Variants in MAPKAP1 observed in about 807,000 individuals in gnomAD.
The protein encoded by MAPKAP1 is target of rapamycin complex 2 subunit MAPKAP1.
MAPKAP1 carries 20 observed loss-of-function variants against 65.7 expected under a neutral mutation model. That is an observed-to-expected ratio of 0.30 (90% CI 0.21 to 0.44). The LOEUF (loss-of-function observed/expected upper bound fraction) is 0.44, where lower values mean the gene tolerates loss of function less well. Among genes scored for constraint, MAPKAP1 ranks in the 20% least tolerant of loss-of-function variants. MAPKAP1 has a pLI of 1.00. For synonymous variants in MAPKAP1, 222 were observed against 244.3 expected (o/e 0.91, Z 0.85); for missense variants, 423 against 648.0 (o/e 0.65, Z 3.77).
At position 125,648,498 on chromosome 9, in the gene MAPKAP1, T is replaced by C. The variant is rs544242340; in HGVS notation, c.498+9153A>G. On this transcript the variant is annotated intron_variant, in intron 4 of 11. Transcript: ENST00000265960. ...ACACGCAGAAATCAAGGCTCATAGATGAGAGATTACTTGTCCTACATCAGA... is the reference window on the plus strand; with the variant it reads ...ACACGCAGAAATCAAGGCTCATAGACGAGAGATTACTTGTCCTACATCAGA... 3.9e-5 allele frequency among the ~76,000 whole-genome samples: 6 copies of C among 152,332 alleles called. No individual in the cohort carries two copies. The South Asian group carries it at 1.0e-3, about 26-fold the overall frequency.
At chr9:125,481,769 C>T (rs1274635380) in intron 9 of MAPKAP1, among the ~76,000 whole-genome samples, 1 of 152,204 alleles carries the variant, frequency 6.6e-6, no homozygotes, top group Admixed American at 6.5e-5. Context: ...AAAGCAGGCC[C>T]TTTGCTATTG....
chr9:125,625,411 CA>C (rs1274133145), intron 4 of MAPKAP1, among the ~76,000 whole-genome samples: 1 of 151,464 alleles, frequency 6.6e-6, no homozygotes, highest in African/African-American at 2.4e-5. Context: ...GAGGGAAAAA[CA>C]AAAAACAAAA....
At chr9:125,706,833 C>T (rs1421338989) in intron 1 of MAPKAP1, 138 bp downstream of exon 1, 7 of 319,566 alleles carry the variant, frequency 2.2e-5, no homozygotes, top group Admixed American at 1.0e-4. Flanking sequence ...GAAACGAACG[C>T]GCCCGGGCCA....
intron 5 of MAPKAP1, among the ~76,000 whole-genome samples, chr9:125,566,274 A>G (rs1174971382): frequency 6.6e-6 from 1 of 152,192 alleles, no homozygotes; most frequent in Non-Finnish European, 1.5e-5. Flanking sequence ...TACAACTTAT[A>G]AGACTTCTTG....
Position 125,642,226 on chromosome 9 carries a change from A to C in MAPKAP1, c.498+15425T>G, listed in dbSNP as rs1833599428. On this transcript the variant is annotated intron_variant, in intron 4 of 11. Transcript: ENST00000265960. ...TCAAGAAAAAAAAAAGGAAAGAAGG[A>C]AGAAAAAGAAAAAAAAAATTAAATT... 2.6e-5 allele frequency among the ~76,000 whole-genome samples: 4 copies of C among 151,938 alleles called. No individual in the cohort carries two copies. The South Asian group carries it at 6.2e-4, about 24-fold the overall frequency.
rs144094331 is a variant in MAPKAP1, at chr9:125,444,616, T to C, written c.1346-18A>G. Reference sequence around the variant, plus strand: ...TGCGTGACCTGCAGAGACAGAAAACTGTGTTGAGGGGTTCTGGTGAGTTAA... The same window carrying C: ...TGCGTGACCTGCAGAGACAGAAAACCGTGTTGAGGGGTTCTGGTGAGTTAA... On this transcript the variant is annotated intron_variant, in intron 10 of 11. Transcript: ENST00000265960. 1.2e-4 allele frequency: 189 copies of C among 1,582,702 alleles called. No individual in the cohort carries two copies. In the Middle Eastern group the frequency reaches 1.7e-3, roughly 14 times the overall value.
chr9:125,631,118 T>C (rs1212117599), intron 4 of MAPKAP1, among the ~76,000 whole-genome samples: 1 of 149,448 alleles, frequency 6.7e-6, no homozygotes, highest in Non-Finnish European at 1.5e-5. Flanking sequence ...AAAAGCCTGA[T>C]ACCTCCCCGT....
chr9:125,698,217 G>GTA (rs934250669), intron 1 of MAPKAP1, among the ~76,000 whole-genome samples: 5 of 134,326 alleles, frequency 3.7e-5, no homozygotes, highest in East Asian at 4.3e-4. Flanking sequence ...ATATGTGTGT[G>GTA]TATATATATA....
At chr9:125,549,462 C>T (rs1465593800) in intron 6 of MAPKAP1, among the ~76,000 whole-genome samples, 5 of 152,204 alleles carry the variant, frequency 3.3e-5, no homozygotes, top group African/African-American at 1.2e-4. Context: ...TGACTTTATC[C>T]ATAAAGAGTT....
chr9:125,626,320 C>T (rs937032943), intron 4 of MAPKAP1, among the ~76,000 whole-genome samples: 2 of 152,180 alleles, frequency 1.3e-5, no homozygotes, highest in Non-Finnish European at 2.9e-5. Flanking sequence ...GGGGTCAGGG[C>T]CCTGGCTAGC....
intron 1 of MAPKAP1, among the ~76,000 whole-genome samples, chr9:125,691,364 A>C (rs1835165456): frequency 6.6e-6 from 1 of 152,242 alleles, no homozygotes; most frequent in African/African-American, 2.4e-5. Context: ...TGATAGTGCC[A>C]ACAAATAAAA....
At chr9:125,584,498 G>A (rs1179407478) in intron 5 of MAPKAP1, among the ~76,000 whole-genome samples, 2 of 152,106 alleles carry the variant, frequency 1.3e-5, no homozygotes, top group Non-Finnish European at 2.9e-5. Context: ...GAGTGCAGTG[G>A]CGCGATCTCG....
At chr9:125,666,510 T>C (rs796096742) in intron 3 of MAPKAP1, among the ~76,000 whole-genome samples, 11 of 152,192 alleles carry the variant, frequency 7.2e-5, no homozygotes, top group African/African-American at 1.7e-4. Flanking sequence ...AGAAAAAGAA[T>C]GAGGGAATGA....
Position 125,508,352 on chromosome 9 carries a change from A to G in MAPKAP1, c.959-1935T>C, listed in dbSNP as rs550962417. 2.6e-5 allele frequency among the ~76,000 whole-genome samples: 4 copies of G among 152,328 alleles called. No individual in the cohort carries two copies. The South Asian group carries it at 8.3e-4, about 32-fold the overall frequency. ...GAATCTCAGAAAGCTGAACCTTAAGAAAACAGCTGTGGGCCCCTTTAGTCT... is the reference window on the plus strand; with the variant it reads ...GAATCTCAGAAAGCTGAACCTTAAGGAAACAGCTGTGGGCCCCTTTAGTCT... On this transcript the variant is annotated intron_variant, in intron 7 of 11. Transcript: ENST00000265960.
chr9:125,700,348 T>G (rs1835559356), intron 1 of MAPKAP1, among the ~76,000 whole-genome samples: 1 of 152,220 alleles, frequency 6.6e-6, no homozygotes, highest in South Asian at 2.1e-4. Flanking sequence ...TTTTTGAAGT[T>G]TTACACATTC....
chr9:125,466,718 G>C (rs1254275531), intron 10 of MAPKAP1, among the ~76,000 whole-genome samples: 2 of 152,182 alleles, frequency 1.3e-5, no homozygotes, highest in Non-Finnish European at 2.9e-5. Context: ...GCCTCGCTGG[G>C]ATGACAGGAA....
chr9:125,556,248 G>A lies in MAPKAP1; in HGVS notation c.848+3385C>T, dbSNP rs1013404888. Among the ~76,000 whole-genome samples the A allele has an allele frequency of 8.8e-4, 134 of 152,210 alleles. 10 individuals are homozygous for A. Among genetic ancestry groups the A allele is most frequent in the Non-Finnish European group, 1.5e-5 (1 of 68,038 alleles). On this transcript the variant is annotated intron_variant, in intron 6 of 11. Transcript: ENST00000265960. ...TCCAGGACCACACACACTAGTAAGG[G>A]CAAGGCTAGGATCGGCATCCAAGCG...
At chr9:125,580,988 GT>G (rs953717968) in intron 5 of MAPKAP1, among the ~76,000 whole-genome samples, 4 of 152,160 alleles carry the variant, frequency 2.6e-5, no homozygotes, top group African/African-American at 9.7e-5. Flanking sequence ...TTAGAGATTG[GT>G]TTTTTTCACT....
intron 11 of MAPKAP1, among the ~76,000 whole-genome samples, chr9:125,444,056 C>T (rs1195445008): frequency 6.6e-6 from 1 of 152,174 alleles, no homozygotes; most frequent in African/African-American, 2.4e-5. Flanking sequence ...TGGTGACATA[C>T]AAGTCTAGCA....
Sources: gnomAD v4.1 joint callset for allele counts (sites outside exome capture counted in the v4.1 genomes callset) on GRCh38, gnomAD v4.1.1 for gene constraint, MANE v1.5 for transcripts, NCBI Gene and HGNC (gene_info 2026-07-23, HGNC 2026-07-21) for gene names.